FRMPD4: variants seen among roughly 807,000 people sequenced by gnomAD.
FRMPD4 encodes FERM and PDZ domain containing 4.
FRMPD4 carries 22 observed loss-of-function variants against 94.1 expected under a neutral mutation model. The ratio of observed to expected loss-of-function variants is 0.23; its 90% CI spans 0.17 to 0.33. The LOEUF is 0.33. Among genes scored for constraint, FRMPD4 ranks in the 10% least tolerant of loss-of-function variants. The pLI is 1.00. For missense variants in FRMPD4, 1,111 were observed against 1,339.9 expected, an observed-to-expected ratio of 0.83 and a Z score of 2.67; for synonymous variants, 631 against 548.6, an observed-to-expected ratio of 1.15 and a Z score of -2.10.
chrX:12,215,447 A>C (rs988801650), intron 1 of FRMPD4, among the ~76,000 whole-genome samples: 1 of 111,353 alleles, frequency 9.0e-6, no homozygotes, highest in East Asian at 2.8e-4. Flanking sequence ...TTCTTCCATC[A>C]TAACTGTCTT....
chrX:12,555,848 A>G (rs2058589936), intron 2 of FRMPD4, among the ~76,000 whole-genome samples: 1 of 112,444 alleles, frequency 8.9e-6, no homozygotes, highest in Non-Finnish European at 1.9e-5. Context: ...AATTCACATG[A>G]AATATGCCAT....
chrX:12,564,693 G>A lies in FRMPD4; in HGVS notation c.159-45028G>A, dbSNP rs2058694501. 4.5e-5 allele frequency among the ~76,000 whole-genome samples: 5 copies of A among 111,791 alleles called. No homozygotes were observed. In the South Asian group the frequency reaches 1.9e-3, roughly 42 times the overall value. ...GGCTCGTGATTCCTATTATAGCCCT[G>A]ATTAAATTGTAGGAGTCATTCTCCA... On this transcript the variant is annotated intron_variant, in intron 2 of 16. Coordinates refer to ENST00000675598, the MANE Select transcript of FRMPD4 (RefSeq NM_001368397.1).
Position 12,717,960 on chromosome X carries a change from C to T in FRMPD4, c.3134C>T (p.Thr1045Ile), listed in dbSNP as rs762299487. Reference protein sequence around the residue: ...EGKAPPNGNTTGKKQQGTKTA... With the variant: ...EGKAPPNGNTIGKKQQGTKTA... ...AAGGCACCCCCTAATGGGAACACAACAGGAAAAAAACAGCAGGGGACCAAA... is the reference window on the plus strand; with the variant it reads ...AAGGCACCCCCTAATGGGAACACAATAGGAAAAAAACAGCAGGGGACCAAA... Residue 1045 changes from threonine (T) to isoleucine (I), a missense_variant, in exon 16 of 17, where the codon ACA becomes ATA. Physicochemically the swap from Thr to Ile is moderately conservative, Grantham distance 89. Coordinates refer to ENST00000675598, the MANE Select transcript of FRMPD4 (RefSeq NM_001368397.1). 5 of 1,210,004 alleles carry T rather than the reference C, an allele frequency of 4.1e-6. No individual in the cohort carries two copies. Among genetic ancestry groups the T allele is most frequent in the Non-Finnish European group, 5.6e-6 (5 of 894,852 alleles).
At chrX:11,916,866 C>A (rs1427264571) in intron 3 of FRMPD4, among the ~76,000 whole-genome samples, 2 of 111,510 alleles carry the variant, frequency 1.8e-5, no homozygotes, top group African/African-American at 6.5e-5. Flanking sequence ...GAGCTCCCCT[C>A]CCCTCCTACT....
At chrX:12,663,651 G>C (rs1040735317) in intron 4 of FRMPD4, among the ~76,000 whole-genome samples, 2 of 112,007 alleles carry the variant, frequency 1.8e-5, no homozygotes, top group Non-Finnish European at 3.8e-5. Context: ...CTCCAGCTTT[G>C]CTCTTTTTGC....
chrX:11,981,027 C>T (rs971059893), intron 3 of FRMPD4, among the ~76,000 whole-genome samples: 4 of 111,826 alleles, frequency 3.6e-5, no homozygotes, highest in African/African-American at 6.5e-5. Context: ...TTTCAGGCTA[C>T]ACCACCAGCA....
intron 1 of FRMPD4, among the ~76,000 whole-genome samples, chrX:12,349,094 C>G (rs983060349): frequency 1.6e-4 from 18 of 111,132 alleles, no homozygotes; most frequent in African/African-American, 3.9e-4. Flanking sequence ...CTCTGTCCCC[C>G]CTGGAGACCC....
chrX:12,219,832 GC>G (rs2056844203), intron 1 of FRMPD4, among the ~76,000 whole-genome samples: 1 of 111,880 alleles, frequency 8.9e-6, no homozygotes. Context: ...GTTAGGTTAG[GC>G]TATGCTGCAG....
chrX:11,854,640 T>A (rs1783295342), intron 1 of FRMPD4, among the ~76,000 whole-genome samples: 1 of 112,527 alleles, frequency 8.9e-6, no homozygotes, highest in Non-Finnish European at 1.9e-5. Flanking sequence ...GGGGCAGTCA[T>A]TAAACCTTAA....
At chrX:12,410,704 G>T (rs771382292) in intron 1 of FRMPD4, among the ~76,000 whole-genome samples, 7 of 111,375 alleles carry the variant, frequency 6.3e-5, no homozygotes, top group Non-Finnish European at 1.3e-4. Flanking sequence ...AGGCTATTTA[G>T]CTTCTAATTT....
At chrX:12,243,575 G>A (rs1199908719) in intron 1 of FRMPD4, among the ~76,000 whole-genome samples, 24 of 110,430 alleles carry the variant, frequency 2.2e-4, no homozygotes, top group Non-Finnish European at 1.9e-5. Flanking sequence ...CTATAAGATT[G>A]CTTTTATTCA....
At chrX:12,147,030 G>A (rs983498786) in intron 1 of FRMPD4, among the ~76,000 whole-genome samples, 4 of 112,437 alleles carry the variant, frequency 3.6e-5, no homozygotes, top group Non-Finnish European at 7.5e-5. Context: ...GCAGAACTCT[G>A]ACCCTATGTA....
intron 1 of FRMPD4, among the ~76,000 whole-genome samples, chrX:12,342,538 G>A (rs918658190): frequency 8.9e-6 from 1 of 111,749 alleles, no homozygotes; most frequent in African/African-American, 3.3e-5. Flanking sequence ...GCTGAGAAGA[G>A]GACATTGGAG....
chrX:12,010,512 A>G (rs924124260), intron 3 of FRMPD4, among the ~76,000 whole-genome samples: 5 of 112,304 alleles, frequency 4.5e-5, no homozygotes, highest in Admixed American at 1.9e-4. Flanking sequence ...TAGGCAATGT[A>G]TTAGGCTTTG....
At chrX:12,585,409 T>TG (rs2058917975) in intron 2 of FRMPD4, among the ~76,000 whole-genome samples, 4 of 109,923 alleles carry the variant, frequency 3.6e-5, no homozygotes, top group Admixed American at 1.9e-4. Context: ...GTAGTAGAGA[T>TG]GGGGTTTCAC....
intron 1 of FRMPD4, among the ~76,000 whole-genome samples, chrX:11,836,777 G>A (rs192950346): frequency 9.0e-6 from 1 of 111,625 alleles, no homozygotes; most frequent in Non-Finnish European, 1.9e-5. Flanking sequence ...CTTTCTGATG[G>A]CAAATGTATG....
chrX:12,098,223 A>G (rs1311937143), intron 3 of FRMPD4, among the ~76,000 whole-genome samples: 1 of 110,256 alleles, frequency 9.1e-6, no homozygotes, highest in African/African-American at 3.3e-5. Context: ...AAAGATTGTT[A>G]TTGCAAATTC....
Position 12,720,937 on chromosome X carries a change from TTC to T in FRMPD4, c.4369_4370del (p.Ser1457ProfsTer9). 1 of 803,096 alleles carries T rather than the reference TTC, an allele frequency of 1.2e-6. No homozygotes were observed. The highest frequency in any genetic ancestry group is 5.8e-5 in the South Asian group (1 of 17,169). The allele number at this position is 803,096 out of a possible 1,213,427, so 66.2% of individuals were successfully genotyped here. On this transcript the variant is annotated frameshift_variant, in exon 17 of 17. Transcript: ENST00000675598. LOFTEE classifies it high-confidence loss of function. ...PLGRKLTKSFSQSSMHLSSEG... is the reference protein window; with the variant it reads ...PLGRKLTKSFXQSSMHLSSEG... The stretch of plus-strand genomic sequence containing the variant: ...TGGGGAGGAAGCTCACCAAAAGTTT[TTC>T]CCAAAGCTCAATGCACTTGAGCTCT...
rs1045634726 is a variant in FRMPD4, at chrX:12,138,793, G to C, written c.-179G>C. On this transcript the variant is annotated 5_prime_UTR_variant, in exon 1 of 17. Coordinates refer to ENST00000675598, the MANE Select transcript of FRMPD4 (RefSeq NM_001368397.1). Reference sequence around the variant, plus strand: ...ATGCACACGCAGCTCGCGGCCGGAGGGGGGTAGCAGCCGCCGCCTCCAGGT... The same window carrying C: ...ATGCACACGCAGCTCGCGGCCGGAGCGGGGTAGCAGCCGCCGCCTCCAGGT... The C allele has an allele frequency of 1.9e-5, 7 of 361,358 alleles. No homozygotes were observed. The highest frequency in any genetic ancestry group is 1.5e-4 in the South Asian group (2 of 13,427). The allele number at this position is 361,358 out of a possible 1,213,427, so 29.8% of individuals were successfully genotyped here.
Sources: allele counts gnomAD v4.1 joint callset (sites outside exome capture counted in the v4.1 genomes callset), GRCh38; gene constraint gnomAD v4.1.1; transcripts MANE v1.5; gene names NCBI Gene and HGNC (gene_info 2026-07-23, HGNC 2026-07-21).